The following TOP1MT variants were observed in gnomAD, a reference collection of about 807,000 sequenced individuals.
TOP1MT encodes the protein DNA topoisomerase I mitochondrial, also known as DNA topoisomerase I, mitochondrial.
In TOP1MT, 80 loss-of-function variants were observed where a neutral mutation model predicts 73.9. That is an observed-to-expected ratio of 1.08 (90% CI 0.90 to 1.30). The LOEUF (loss-of-function observed/expected upper bound fraction) is 1.30, where lower values mean the gene tolerates loss of function less well. TOP1MT is among the 50% of genes most tolerant of loss of function. The pLI is 0.00. For synonymous variants in TOP1MT, 338 were observed against 326.4 expected (o/e 1.04, Z -0.38); for missense variants, 815 against 808.0 (o/e 1.01, Z -0.10).
chr8:143,342,776 C>CGATTATTATTAT lies in TOP1MT; in HGVS notation c.29+443_29+444insATAATAATAATC, dbSNP rs1554622821. On this transcript the variant is annotated intron_variant, in intron 2 of 5. Transcript: ENST00000518007. Reference sequence around the variant, plus strand: ...TTATTATTAGAGACAGAGTCTTGCTCTATTATTATTATTATTATTATTATT... The same window carrying CGATTATTATTAT: ...TTATTATTAGAGACAGAGTCTTGCTCGATTATTATTATTATTATTATTATTATTATTATTATT... 1.7e-3 allele frequency among the ~76,000 whole-genome samples: 135 copies of CGATTATTATTAT among 78,768 alleles called. 4 individuals carry two copies. Among genetic ancestry groups the CGATTATTATTAT allele is most frequent in the Non-Finnish European group, 2.1e-3 (69 of 33,260 alleles). 51.7% of individuals were successfully genotyped at this position (78,768 alleles called of 152,430 possible).
chr8:143,315,636 C>A, intron 12 of TOP1MT, 91 bp downstream of exon 12: 2 of 863,874 alleles, frequency 2.3e-6, no homozygotes, highest in Non-Finnish European at 3.7e-6. Context: ...AAGGAGACAA[C>A]AAGGGTCGTC....
intron 7 of TOP1MT, among the ~76,000 whole-genome samples, chr8:143,321,610 G>GC (rs1816374509): frequency 2.2e-5 from 2 of 91,958 alleles, no homozygotes; most frequent in African/African-American, 9.7e-5. Context: ...CCACACGCAC[G>GC]CACGCCACAC....
At chr8:143,330,796 G>A (rs1460368867) in intron 2 of TOP1MT, among the ~76,000 whole-genome samples, 3 of 152,196 alleles carry the variant, frequency 2.0e-5, no homozygotes, top group Non-Finnish European at 4.4e-5. Context: ...TCTGAGGGTG[G>A]CTCAGCGCTC....
At chr8:143,346,599 C>T (rs956396819), upstream of TOP1MT, among the ~76,000 whole-genome samples, 8 of 152,150 alleles carry the variant, frequency 5.3e-5, no homozygotes, top group African/African-American at 1.9e-4. Context: ...CTGGGCAACA[C>T]AGCAAGACCT....
intron 1 of TOP1MT, among the ~76,000 whole-genome samples, chr8:143,354,422 A>G (rs1817372372): frequency 6.6e-6 from 1 of 152,128 alleles, no homozygotes; most frequent in South Asian, 2.1e-4. Context: ...ACATTAAAAG[A>G]AAAACGTTAG....
chr8:143,326,515 C>G (rs1409786252), intron 3 of TOP1MT, among the ~76,000 whole-genome samples, 171 bp from the exon 4 acceptor site: 2 of 152,222 alleles, frequency 1.3e-5, no homozygotes, highest in Non-Finnish European at 2.9e-5. Flanking sequence ...AGCCTCTCCC[C>G]GCAGACCCCA....
chr8:143,312,958 G>C (rs1255620613), intron 12 of TOP1MT, among the ~76,000 whole-genome samples: 2 of 152,152 alleles, frequency 1.3e-5, no homozygotes, highest in African/African-American at 4.8e-5. Flanking sequence ...GGCACCTGTG[G>C]TCCCAGCTAC....
chr8:143,320,527 G>A (rs561178178), intron 8 of TOP1MT, among the ~76,000 whole-genome samples: 4 of 152,260 alleles, frequency 2.6e-5, no homozygotes, highest in Non-Finnish European at 5.9e-5. Context: ...TCAGCCTCCC[G>A]AAGCACTGAG....
chr8:143,321,187 G>T lies in TOP1MT; in HGVS notation c.1146+14C>A, dbSNP rs374912182. ...GTGTCACATAGCGGGGGCAGCTGGC[G>T]CGAGGGCACTCACCGGCTTCTCCAC... On this transcript the variant is annotated intron_variant, in intron 8 of 13. Transcript: ENST00000329245. 1.3e-6 allele frequency: 2 copies of T among 1,573,220 alleles called. No homozygotes were observed. Among genetic ancestry groups the T allele is most frequent in the Admixed American group, 3.6e-5 (2 of 56,070 alleles).
intron 3 of TOP1MT, chr8:143,328,297 T>G (rs1251955229): frequency 4.4e-6 from 2 of 455,266 alleles, no homozygotes; most frequent in East Asian, 1.4e-4. Context: ...ATTCACAGCA[T>G]GTGCGTCTGG....
At chr8:143,329,933 G>T (rs1203022550) in intron 2 of TOP1MT, among the ~76,000 whole-genome samples, 1 of 127,762 alleles carries the variant, frequency 7.8e-6, no homozygotes, top group Non-Finnish European at 1.5e-5. Context: ...GATCAGTGTG[G>T]TTTAGAGATG....
rs767296095 is a variant in TOP1MT at position 143,310,111 on chromosome 8, T to G, written c.1660A>C (p.Thr554Pro). ...GGGTCCAGGTAGTTGAGCTTGGACGTGCCCAGGGCCACCTGCTTGTTCTCC... is the reference window on the plus strand; with the variant it reads ...GGGTCCAGGTAGTTGAGCTTGGACGGGCCCAGGGCCACCTGCTTGTTCTCC... ...KEENKQVALGTSKLNYLDPRI... is the reference protein window; with the variant it reads ...KEENKQVALGPSKLNYLDPRI... Residue 554 changes from threonine (T) to proline (P), a missense_variant, in exon 13 of 14, where the codon ACG becomes CCG. Around this residue, in one of 3 missense-constraint regions of TOP1MT, gnomAD observed 751 missense variants for 725.4 expected, o/e 1.04. Coordinates refer to ENST00000329245, the MANE Select transcript of TOP1MT (RefSeq NM_052963.3). 6.2e-7 allele frequency: 1 copy of G among 1,613,668 alleles called. No homozygotes were observed. The highest frequency in any genetic ancestry group is 8.5e-7 in the Non-Finnish European group (1 of 1,179,988).
At position 143,324,648 on chromosome 8, in the gene TOP1MT, C is replaced by A. The variant is rs775904453; in HGVS notation, c.672-19G>T. The A allele has an allele frequency of 9.9e-6, 16 of 1,610,088 alleles. No individual in the cohort carries two copies. The highest frequency in any genetic ancestry group is 1.3e-5 in the Non-Finnish European group (15 of 1,178,222). ...CGAGTCCCTGCAGCAGAACAACGACCCAAACATAACTTGGAGACCTTATTC... is the reference window on the plus strand; with the variant it reads ...CGAGTCCCTGCAGCAGAACAACGACACAAACATAACTTGGAGACCTTATTC... On this transcript the variant is annotated intron_variant, in intron 5 of 13. Transcript: ENST00000329245.
upstream of TOP1MT, chr8:143,359,477 G>A (rs1473813024): frequency 4.1e-6 from 4 of 969,894 alleles, no homozygotes; most frequent in Non-Finnish European, 4.9e-6. Flanking sequence ...CAGCCAGACC[G>A]GCACCGCTGG....
intron 7 of TOP1MT, among the ~76,000 whole-genome samples, chr8:143,323,271 CCACA>C (rs1200153052): frequency 1.2e-5 from 1 of 80,624 alleles, no homozygotes; most frequent in Non-Finnish European, 2.4e-5. Context: ...CACATGCACG[CCACA>C]CACGCACGCC....
At position 143,324,109 on chromosome 8, in the gene TOP1MT, G is replaced by A. The variant is rs752158768; in HGVS notation, c.850C>T (p.Arg284Ter). The A allele has an allele frequency of 2.2e-5, 35 of 1,613,786 alleles. No homozygotes were observed. The highest frequency in any genetic ancestry group is 3.3e-5 in the Admixed American group (2 of 60,018). ...TCGTCCACAAATCCCCGCAGGCGTC[G>A]AGCTGTTTCAAACTTCTGCCAAGCT... The part of the protein sequence containing the change: ...ETAWQKFETA[R>*]RLRGFVDEIR... Residue 284 changes from arginine (R) to a stop codon, truncating the protein, a stop_gained, in exon 7 of 14, where the codon CGA becomes TGA. Coordinates refer to ENST00000329245, the MANE Select transcript of TOP1MT (RefSeq NM_052963.3). LOFTEE classifies it high-confidence loss of function.
rs533330399 is a variant in TOP1MT at position 143,310,428 on chromosome 8, T to G, written c.1554-211A>C. 25 of 465,668 alleles carry G rather than the reference T, an allele frequency of 5.4e-5. No homozygotes were observed. In the Admixed American group the frequency reaches 6.6e-4, roughly 12 times the overall value. The allele number at this position is 465,668 out of a possible 1,614,324, so 28.8% of individuals were successfully genotyped here. A position where few individuals can be genotyped will look rare whatever the true frequency, so the allele number is the denominator to read the frequency against. ...CCAAGTCAGATACAGAGGAGGGCCG[T>G]GGGCGGAGGGTGAGCAGCCCGTCAG... On this transcript the variant is annotated intron_variant, in intron 12 of 13. Transcript: ENST00000329245.
At position 143,315,751 on chromosome 8, in the gene TOP1MT, G is replaced by A; in HGVS notation, c.1529C>T (p.Ala510Val). ...ELRRARAEHKAQGDGKSRSVL... is the reference protein window; with the variant it reads ...ELRRARAEHKVQGDGKSRSVL... Reference sequence around the variant, plus strand: ...CCTCCTGGACTTGCCATCCCCTTGGGCTTTGTGCTCAGCCCTCGCCCTCCT... The same window carrying A: ...CCTCCTGGACTTGCCATCCCCTTGGACTTTGTGCTCAGCCCTCGCCCTCCT... The change falls in exon 12 of 14, where the codon GCC becomes GTC. Residue 510 changes from alanine (A) to valine (V), a missense_variant. Physicochemically the swap from Ala to Val is moderately conservative, Grantham distance 64. Around this residue, in one of 3 missense-constraint regions of TOP1MT, gnomAD observed 751 missense variants for 725.4 expected, o/e 1.04. Transcript: ENST00000329245. 2 of 1,614,044 alleles carry A rather than the reference G, an allele frequency of 1.2e-6. No individual in the cohort carries two copies. Among genetic ancestry groups the A allele is most frequent in the Non-Finnish European group, 8.5e-7 (1 of 1,180,000 alleles).
At chr8:143,347,145 C>T (rs528410462), upstream of TOP1MT, among the ~76,000 whole-genome samples, 8 of 151,768 alleles carry the variant, frequency 5.3e-5, no homozygotes, top group African/African-American at 7.2e-5. Flanking sequence ...CCACCACACC[C>T]GGCTAATTTT....
Sources: allele counts gnomAD v4.1 joint callset (sites outside exome capture counted in the v4.1 genomes callset), GRCh38; gene constraint gnomAD v4.1.1; regional missense constraint gnomAD v4.1.1; transcripts MANE v1.5; gene names NCBI Gene and HGNC (gene_info 2026-07-23, HGNC 2026-07-21).